Variants in SEC23B observed in about 807,000 individuals in gnomAD.
SEC23B encodes protein transport protein Sec23B.
In SEC23B, 77 loss-of-function variants were observed where a neutral mutation model predicts 104.3. The observed-to-expected ratio is 0.74, with a 90% confidence interval of 0.61 to 0.89. The LOEUF (loss-of-function observed/expected upper bound fraction) is 0.89. SEC23B is among the 40% of genes least tolerant of loss of function. SEC23B has a pLI of 0.00. For missense variants in SEC23B, 885 were observed against 949.4 expected, an observed-to-expected ratio of 0.93 and a Z score of 0.89; for synonymous variants, 338 against 332.5, an observed-to-expected ratio of 1.02 and a Z score of -0.18.
intron 14 of SEC23B, among the ~76,000 whole-genome samples, chr20:18,545,324 T>C (rs965882045): frequency 2.6e-5 from 4 of 152,072 alleles, no homozygotes; most frequent in African/African-American, 9.7e-5. Context: ...AGGAAAGTGA[T>C]GTATTAGCAG....
chr20:18,512,285 A>G lies in SEC23B; in HGVS notation c.279+3A>G, dbSNP rs373524080. On this transcript the variant is annotated splice_donor_region_variant and intron_variant, in intron 3 of 19. Transcript: ENST00000650089. ...ATTTCTGTTTTCAAAGAAATCAGGT[A>G]TGTGAATTATTTTTAAAAAATGTTA... 78 of 1,546,114 alleles carry G rather than the reference A, an allele frequency of 5.0e-5. No individual in the cohort carries two copies. The highest frequency in any genetic ancestry group is 7.0e-5 in the Non-Finnish European group (78 of 1,121,794).
intron 6 of SEC23B, 82 bp downstream of exon 6, chr20:18,525,102 A>G: frequency 8.4e-7 from 1 of 1,185,736 alleles, no homozygotes; most frequent in Non-Finnish European, 1.2e-6. Context: ...AAAATATTAG[A>G]ATTTGTATTT....
chr20:18,520,588 G>A (rs1450492419), intron 4 of SEC23B, among the ~76,000 whole-genome samples: 1 of 152,142 alleles, frequency 6.6e-6, no homozygotes, highest in Non-Finnish European at 1.5e-5. Context: ...AGCCGGGCAG[G>A]TGAGGATAAC....
At chr20:18,555,314 G>T (rs747714499) in intron 19 of SEC23B, 141 bp downstream of exon 19, 16 of 724,536 alleles carry the variant, frequency 2.2e-5, no homozygotes, top group Non-Finnish European at 3.6e-5. Context: ...GAGTGGCGGG[G>T]AGGGAAACAA....
chr20:18,555,047 T>G, intron 18 of SEC23B, 61 bp from the exon 19 acceptor site: 3 of 1,433,790 alleles, frequency 2.1e-6, no homozygotes, highest in Non-Finnish European at 2.9e-6. Context: ...TTTTTTCTGT[T>G]ACATTAATAT....
chr20:18,514,939 T>C lies in SEC23B; in HGVS notation c.280-711T>C, dbSNP rs371395589. On this transcript the variant is annotated intron_variant, in intron 3 of 19. Transcript: ENST00000650089. ...AACCTAAATAAAGTCTTTGGCTTTATTTAGACTATTAACTATTGATGAGAT... is the reference window on the plus strand; with the variant it reads ...AACCTAAATAAAGTCTTTGGCTTTACTTAGACTATTAACTATTGATGAGAT... Among the ~76,000 whole-genome samples, 5 of 152,364 alleles carry C rather than the reference T, an allele frequency of 3.3e-5. No individual in the cohort carries two copies. In the East Asian group the frequency reaches 7.7e-4, roughly 23 times the overall value.
chr20:18,525,836 T>C lies in SEC23B; in HGVS notation c.738T>C (p.Leu246=), dbSNP rs770554384. The change falls in exon 7 of 20, where the codon CTT becomes CTC. Residue 246 remains leucine (L), a synonymous_variant. Transcript: ENST00000650089. ...HKIDMNLTDL[L]GELQRDPWPV... ...TTGATATGAACCTCACTGATCTTCTTGGGGAGCTACAGAGGGACCCATGGC... is the reference window on the plus strand; with the variant it reads ...TTGATATGAACCTCACTGATCTTCTCGGGGAGCTACAGAGGGACCCATGGC... The C allele has an allele frequency of 2.4e-5, 38 of 1,614,188 alleles. No homozygotes were observed. The highest frequency in any genetic ancestry group is 3.2e-5 in the Non-Finnish European group (38 of 1,180,014).
At chr20:18,549,641 C>A (rs964187205) in intron 16 of SEC23B, among the ~76,000 whole-genome samples, 1 of 151,840 alleles carries the variant, frequency 6.6e-6, no homozygotes, top group South Asian at 2.1e-4. Flanking sequence ...AAATAAAGAA[C>A]TATATGGAAA....
In SEC23B at chr20:18,545,978, A is replaced by G; in HGVS notation, c.1688A>G (p.Asn563Ser). The G allele has an allele frequency of 1.9e-6, 3 of 1,588,436 alleles. No individual in the cohort carries two copies. The South Asian group carries it at 3.3e-5, about 18-fold the overall frequency. ...IRLCQKFGQY[N>S]KEDPTSFRLS... is the part of the protein sequence containing the mutation. ...TAGTGTCAAAAGTTTGGACAGTATA[A>G]CAAAGAAGACCCCACTTCTTTTAGG... is the stretch of plus-strand genomic sequence containing the variant. The change falls in exon 15 of 20, where the codon AAC becomes AGC. Residue 563 changes from asparagine to serine, a missense_variant. Asn to Ser is a conservative substitution (Grantham distance 46). Transcript: ENST00000650089.
At position 18,525,801 on chromosome 20, in the gene SEC23B, G is replaced by T. The variant is rs779433413; in HGVS notation, c.703G>T (p.Val235Phe). 1.9e-6 allele frequency: 3 copies of T among 1,614,160 alleles called. No homozygotes were observed. The highest frequency in any genetic ancestry group is 2.5e-6 in the Non-Finnish European group (3 of 1,180,022). ...PFASSRFLQP[V>F]HKIDMNLTDL... ...AAAATCTTGCAGATTTCTGCAGCCTGTTCACAAGATTGATATGAACCTCAC... is the reference window on the plus strand; with the variant it reads ...AAAATCTTGCAGATTTCTGCAGCCTTTTCACAAGATTGATATGAACCTCAC... The change falls in exon 7 of 20, where the codon GTT becomes TTT. Residue 235 changes from valine to phenylalanine, a missense_variant. Val to Phe is a conservative substitution (Grantham distance 50). Transcript: ENST00000650089.
In SEC23B at chr20:18,525,864, G is replaced by GT; in HGVS notation, c.767dup (p.Thr257AsnfsTer51). Reference sequence around the variant, plus strand: ...GGAGCTACAGAGGGACCCATGGCCAGTAACTCAGGGGAAGAGACCTTTGCG... The same window carrying GT: ...GGAGCTACAGAGGGACCCATGGCCAGTTAACTCAGGGGAAGAGACCTTTGCG... On this transcript the variant is annotated frameshift_variant, in exon 7 of 20. Transcript: ENST00000650089. LOFTEE classifies it high-confidence loss of function. 1 of 1,614,158 alleles carries GT rather than the reference G, an allele frequency of 6.2e-7. No individual in the cohort carries two copies. Among genetic ancestry groups the GT allele is most frequent in the Non-Finnish European group, 8.5e-7 (1 of 1,180,012 alleles).
At chr20:18,514,248 C>G (rs1395197067) in intron 3 of SEC23B, among the ~76,000 whole-genome samples, 3 of 152,180 alleles carry the variant, frequency 2.0e-5, no homozygotes, top group Non-Finnish European at 2.9e-5. Flanking sequence ...TGATCTCCGT[C>G]TCCTTTGCTC....
intron 16 of SEC23B, among the ~76,000 whole-genome samples, chr20:18,550,064 CTATG>C (rs1254703833): frequency 2.0e-5 from 3 of 146,456 alleles, no homozygotes; most frequent in African/African-American, 5.0e-5. Flanking sequence ...TATATAAGAA[CTATG>C]TATATAAATA....
At chr20:18,551,922 GA>G (rs1412435313) in intron 17 of SEC23B, among the ~76,000 whole-genome samples, 3 of 152,134 alleles carry the variant, frequency 2.0e-5, no homozygotes, top group Non-Finnish European at 4.4e-5. Flanking sequence ...GTACTTTGAT[GA>G]AATAACATGG....
At position 18,510,947 on chromosome 20, in the gene SEC23B, CT is replaced by C. The variant is rs755624074; in HGVS notation, c.113del (p.Leu38ArgfsTer8). ...RLEATRMVVP[L>X]ACLLTPLKER... ...GGAGGCTACAAGAATGGTTGTACCC[CT>C]GGCTTGTCTCCTTACTCCTTTGAAA... On this transcript the variant is annotated frameshift_variant, in exon 2 of 20. Transcript: ENST00000650089. LOFTEE classifies it high-confidence loss of function. 3 of 1,614,058 alleles carry C rather than the reference CT, an allele frequency of 1.9e-6. No individual in the cohort carries two copies. Among genetic ancestry groups the C allele is most frequent in the African/African-American group, 1.3e-5 (1 of 74,942 alleles).
At chr20:18,542,250 T>C in intron 12 of SEC23B, 46 bp from the exon 13 acceptor site, 1 of 1,523,178 alleles carries the variant, frequency 6.6e-7, no homozygotes, top group Non-Finnish European at 9.1e-7. Flanking sequence ...TGACCGTGTT[T>C]GAGTTGCGCC....
intron 1 of SEC23B, 100 bp from the exon 2 acceptor site, chr20:18,510,722 G>GA: frequency 3.2e-6 from 3 of 949,110 alleles, no homozygotes; most frequent in African/African-American, 1.6e-5. Flanking sequence ...GCTGAGATGG[G>GA]AAAAAAAGAG....
In SEC23B at chr20:18,538,287, T is replaced by C. The variant is rs113743569; in HGVS notation, c.1404+2545T>C. Among the ~76,000 whole-genome samples, 554 of 146,204 alleles carry C rather than the reference T, an allele frequency of 3.8e-3. 5 individuals carry two copies. Among genetic ancestry groups the C allele is most frequent in the African/African-American group, 0.013 (525 of 39,266 alleles). On this transcript the variant is annotated intron_variant, in intron 12 of 19. Coordinates refer to ENST00000650089, the MANE Select transcript of SEC23B (RefSeq NM_006363.6). ...TTTTTTGAGACGGGGTCTCGCTCTG[T>C]ACCCCAGGCTGGAGTGCAGTGGCAT...
intron 17 of SEC23B, among the ~76,000 whole-genome samples, chr20:18,552,015 C>T (rs1371211079): frequency 1.3e-5 from 2 of 152,102 alleles, no homozygotes; most frequent in African/African-American, 4.8e-5. Flanking sequence ...CAGTGGGGTT[C>T]ATGCCCTGAG....
Sources: gnomAD v4.1 joint callset for allele counts (sites outside exome capture counted in the v4.1 genomes callset) on GRCh38, gnomAD v4.1.1 for gene constraint, MANE v1.5 for transcripts, NCBI Gene and HGNC (gene_info 2026-07-23, HGNC 2026-07-21) for gene names.